The following IMMP2L variants were observed in gnomAD, a reference collection of about 807,000 sequenced individuals.
The protein encoded by IMMP2L is mitochondrial inner membrane protease subunit 2.
A neutral mutation model predicts 19.3 loss-of-function variants in IMMP2L; 18 were observed. That is an observed-to-expected ratio of 0.93 (90% CI 0.64 to 1.38). The LOEUF (loss-of-function observed/expected upper bound fraction) is 1.38, where lower values mean the gene tolerates loss of function less well. IMMP2L is among the 40% of genes most tolerant of loss of function. The pLI, the probability that IMMP2L is intolerant of heterozygous loss-of-function variation, is 0.00. For synonymous variants in IMMP2L, 76 were observed against 73.0 expected, an observed-to-expected ratio of 1.04 and a Z score of -0.21; for missense variants, 233 against 218.2, an observed-to-expected ratio of 1.07 and a Z score of -0.43.
chr7:111,209,838 G>A (rs939204484), intron 3 of IMMP2L, among the ~76,000 whole-genome samples: 1 of 152,134 alleles, frequency 6.6e-6, no homozygotes, highest in Non-Finnish European at 1.5e-5. Flanking sequence ...GGGCCTGAAG[G>A]TTCGGGTCAG....
chr7:110,976,007 A>G (rs1448194054), intron 3 of IMMP2L, among the ~76,000 whole-genome samples: 1 of 152,086 alleles, frequency 6.6e-6, no homozygotes, highest in African/African-American at 2.4e-5. Context: ...TAGAACTGAT[A>G]GCAATGATTA....
chr7:111,056,870 T>C (rs758888859), intron 3 of IMMP2L, among the ~76,000 whole-genome samples: 1 of 152,068 alleles, frequency 6.6e-6, no homozygotes, highest in Non-Finnish European at 1.5e-5. Context: ...AGAGGAGGGC[T>C]TGGTCTTGCT....
chr7:111,212,860 T>C (rs976456686), intron 3 of IMMP2L, among the ~76,000 whole-genome samples: 3 of 152,200 alleles, frequency 2.0e-5, no homozygotes, highest in Non-Finnish European at 4.4e-5. Flanking sequence ...ATTTCCCATC[T>C]CCTGCTCTGT....
intron 3 of IMMP2L, chr7:111,391,992 G>C: frequency 1.4e-6 from 1 of 702,932 alleles, no homozygotes; most frequent in South Asian, 1.5e-5. Context: ...TTCAGAAAGT[G>C]TCTCCTTGCT....
intron 3 of IMMP2L, among the ~76,000 whole-genome samples, chr7:111,268,832 T>C (rs534747370): frequency 1.3e-4 from 20 of 152,002 alleles, no homozygotes; most frequent in African/African-American, 4.8e-4. Context: ...ACCCCTGGGC[T>C]CAAGCAATCC....
At chr7:110,703,399 C>G (rs1304497288) in intron 5 of IMMP2L, among the ~76,000 whole-genome samples, 1 of 149,968 alleles carries the variant, frequency 6.7e-6, no homozygotes, top group Admixed American at 6.6e-5. Context: ...GTTTTTTTTT[C>G]TTGTATTGCT....
intron 5 of IMMP2L, among the ~76,000 whole-genome samples, chr7:110,878,546 AT>A (rs962687392): frequency 7.7e-6 from 1 of 130,580 alleles, no homozygotes; most frequent in Admixed American, 8.0e-5. Flanking sequence ...TTTCATCTAC[AT>A]TTTCATTAAC....
At chr7:111,530,751 A>C (rs1354841016) in intron 1 of IMMP2L, among the ~76,000 whole-genome samples, 1 of 152,126 alleles carries the variant, frequency 6.6e-6, no homozygotes, top group East Asian at 1.9e-4. Flanking sequence ...GTTCATTATA[A>C]AATTCTTAGA....
intron 3 of IMMP2L, among the ~76,000 whole-genome samples, chr7:111,234,276 GATA>G (rs1362614934): frequency 6.6e-6 from 1 of 152,038 alleles, no homozygotes; most frequent in Non-Finnish European, 1.5e-5. Context: ...ATTAAACTCA[GATA>G]ATATTCTTTG....
intron 3 of IMMP2L, among the ~76,000 whole-genome samples, chr7:111,011,873 G>A (rs1370662784): frequency 1.3e-5 from 2 of 152,100 alleles, no homozygotes; most frequent in African/African-American, 4.8e-5. Flanking sequence ...GCTCTGGTAG[G>A]AGAGCGAGCA....
chr7:111,243,511 T>TTTA (rs956154484), intron 3 of IMMP2L, among the ~76,000 whole-genome samples: 2 of 20,782 alleles, frequency 9.6e-5, no homozygotes, highest in African/African-American at 2.9e-4. Flanking sequence ...TTCTTGTTGC[T>TTTA]TTATTTTTTT....
At chr7:111,551,609 T>C (rs1849471430) in intron 1 of IMMP2L, among the ~76,000 whole-genome samples, 1 of 151,850 alleles carries the variant, frequency 6.6e-6, no homozygotes, top group African/African-American at 2.4e-5. Flanking sequence ...CTGAGTCATT[T>C]ATGAGAGGCT....
At chr7:111,460,966 A>T (rs1183480346) in intron 3 of IMMP2L, among the ~76,000 whole-genome samples, 1 of 151,456 alleles carries the variant, frequency 6.6e-6, no homozygotes, top group African/African-American at 2.4e-5. Flanking sequence ...TTCTATATAC[A>T]TGCTTAACCA....
At chr7:111,298,039 T>C (rs1428888029) in intron 3 of IMMP2L, among the ~76,000 whole-genome samples, 2 of 152,140 alleles carry the variant, frequency 1.3e-5, no homozygotes, top group Non-Finnish European at 1.5e-5. Flanking sequence ...TAAAATGACA[T>C]TATCTTATTA....
intron 3 of IMMP2L, among the ~76,000 whole-genome samples, chr7:110,980,695 T>G (rs1433473497): frequency 1.3e-5 from 2 of 152,174 alleles, no homozygotes; most frequent in Non-Finnish European, 2.9e-5. Context: ...TTTAAAACTT[T>G]CATTCCACCA....
intron 3 of IMMP2L, among the ~76,000 whole-genome samples, chr7:111,373,498 C>G (rs1397900851): frequency 6.6e-6 from 1 of 152,026 alleles, no homozygotes; most frequent in Non-Finnish European, 1.5e-5. Context: ...AGTTAGGATC[C>G]TCTTTCTTGG....
intron 3 of IMMP2L, among the ~76,000 whole-genome samples, chr7:111,216,141 C>A (rs754035187): frequency 6.6e-6 from 1 of 152,100 alleles, no homozygotes; most frequent in Non-Finnish European, 1.5e-5. Flanking sequence ...TCTTCTCTGT[C>A]ACTAGAGTAT....
At chr7:111,449,812 C>T (rs1838935049) in intron 3 of IMMP2L, among the ~76,000 whole-genome samples, 1 of 110,850 alleles carries the variant, frequency 9.0e-6, no homozygotes, top group Non-Finnish European at 1.7e-5. Context: ...TAGAAAACCC[C>T]ATCGTCTCAG....
chr7:111,255,050 A>T (rs1816557816), intron 3 of IMMP2L, among the ~76,000 whole-genome samples: 2 of 152,062 alleles, frequency 1.3e-5, no homozygotes, highest in Admixed American at 1.3e-4. Context: ...GAATACATCA[A>T]GGTTTTCTAT....
Sources: gnomAD v4.1 joint callset for allele counts (sites outside exome capture counted in the v4.1 genomes callset) on GRCh38, gnomAD v4.1.1 for gene constraint, MANE v1.5 for transcripts, NCBI Gene and HGNC (gene_info 2026-07-23, HGNC 2026-07-21) for gene names.